Variants in CFAP77 observed in about 807,000 individuals in gnomAD.
CFAP77 encodes the protein cilia- and flagella-associated protein 77.
Under a neutral mutation model 31.1 loss-of-function variants are expected in CFAP77, and 25 were observed. That is an observed-to-expected ratio of 0.80 (90% CI 0.59 to 1.12). The LOEUF (loss-of-function observed/expected upper bound fraction) is 1.12, where lower values mean the gene tolerates loss of function less well. Among genes scored for constraint, CFAP77 ranks in the 50% most tolerant of loss-of-function variants. CFAP77 has a pLI of 0.00. For synonymous variants in CFAP77, 151 were observed against 159.9 expected (o/e 0.94, Z 0.42); for missense variants, 377 against 397.3 (o/e 0.95, Z 0.44).
At position 132,490,325 on chromosome 9, in the gene CFAP77, G is replaced by C. The variant is rs1330632334; in HGVS notation, c.196-8370G>C. ...AGACCATAGCACCATGGAAAAGCAG[G>C]TGACCGTCAAGCCTCAGGTGGCCCC... On this transcript the variant is annotated intron_variant, in intron 1 of 5. Coordinates refer to ENST00000393216, the MANE Select transcript of CFAP77 (RefSeq NM_001282957.2). The surrounding 1 kb of genome is among the most constrained non-coding windows in gnomAD (Gnocchi z 4.6). Among the ~76,000 whole-genome samples, 2 of 152,200 alleles carry C rather than the reference G, an allele frequency of 1.3e-5. No individual in the cohort carries two copies. The highest frequency in any genetic ancestry group is 2.4e-5 in the African/African-American group (1 of 41,438).
intron 1 of CFAP77, among the ~76,000 whole-genome samples, chr9:132,476,266 A>T (rs1369210219): frequency 8.5e-5 from 13 of 152,052 alleles, no homozygotes; most frequent in Admixed American, 3.9e-4. Context: ...CTATCAGAAA[A>T]GTCTAACTCA....
intron 1 of CFAP77, among the ~76,000 whole-genome samples, chr9:132,484,440 GTC>G (rs1851502498): frequency 6.6e-6 from 1 of 152,178 alleles, no homozygotes; most frequent in Non-Finnish European, 1.5e-5. Flanking sequence ...TCTGCTTTCT[GTC>G]TCTTCAGATT....
intron 1 of CFAP77, among the ~76,000 whole-genome samples, chr9:132,420,555 G>A (rs1217175404): frequency 6.6e-6 from 1 of 151,914 alleles, no homozygotes; most frequent in Non-Finnish European, 1.5e-5. Context: ...CAGGTACTCG[G>A]GAGGCTGAGG....
intron 1 of CFAP77, among the ~76,000 whole-genome samples, chr9:132,410,834 T>C (rs1159345230): frequency 6.6e-6 from 1 of 152,092 alleles, no homozygotes; most frequent in Non-Finnish European, 1.5e-5. Flanking sequence ...ACACGCCCAG[T>C]CTAAGTCGTG....
At chr9:132,491,594 C>G (rs1027970680) in intron 1 of CFAP77, among the ~76,000 whole-genome samples, 31 of 152,206 alleles carry the variant, frequency 2.0e-4, no homozygotes, top group African/African-American at 7.0e-4. Context: ...GTAGGAGGGG[C>G]TCTTGGCAAT....
intron 3 of CFAP77, among the ~76,000 whole-genome samples, chr9:132,514,617 T>A (rs1386264860): frequency 6.6e-6 from 1 of 151,736 alleles, no homozygotes; most frequent in African/African-American, 2.4e-5. Flanking sequence ...CCTGCACCGG[T>A]GCCGGAACTG....
At chr9:132,438,917 C>T (rs1292081710) in intron 1 of CFAP77, among the ~76,000 whole-genome samples, 1 of 150,512 alleles carries the variant, frequency 6.6e-6, no homozygotes, top group African/African-American at 2.5e-5. Flanking sequence ...ACTTTGTTGC[C>T]CAGGCTGGAG....
chr9:132,414,859 T>C (rs897452313), intron 1 of CFAP77, among the ~76,000 whole-genome samples: 1 of 152,156 alleles, frequency 6.6e-6, no homozygotes, highest in African/African-American at 2.4e-5. Context: ...TGTGTTCAAA[T>C]TGGATGCTCT....
rs574556046 is a variant in CFAP77 at position 132,571,321 on chromosome 9, C to T, written c.733-1067C>T. ...TCTTGGACCCCAGGGCCAGCAGCCA[C>T]GCTACCCCCCTTTGCCCTGGAATCC... On this transcript the variant is annotated intron_variant, in intron 5 of 5. Coordinates refer to ENST00000393216, the MANE Select transcript of CFAP77 (RefSeq NM_001282957.2). 2.1e-4 allele frequency among the ~76,000 whole-genome samples: 32 copies of T among 152,264 alleles called. No homozygotes were observed. The South Asian group carries it at 5.2e-3, about 25-fold the overall frequency.
intron 3 of CFAP77, among the ~76,000 whole-genome samples, chr9:132,513,705 C>CA (rs1852083921): frequency 6.6e-6 from 1 of 152,100 alleles, no homozygotes; most frequent in Non-Finnish European, 1.5e-5. Flanking sequence ...CCCCCCATGA[C>CA]AAGGCCCCCA....
chr9:132,502,275 T>G (rs796846082), intron 3 of CFAP77, among the ~76,000 whole-genome samples: 11 of 86,136 alleles, frequency 1.3e-4, no homozygotes, highest in South Asian at 6.4e-4. Context: ...ATTTTTTTTT[T>G]TTGGGGGAGG....
chr9:132,430,192 G>A (rs1012495219), intron 1 of CFAP77, among the ~76,000 whole-genome samples: 36 of 151,946 alleles, frequency 2.4e-4, no homozygotes, highest in Admixed American at 2.4e-3. Context: ...TAAAATTTCT[G>A]GTTCTGTGAT....
In CFAP77 at chr9:132,565,928, G is replaced by T. The variant is rs901180019; in HGVS notation, c.733-6460G>T. ...TGTGGCACTTGCCTCTTATTTACCT[G>T]CATTGACCTTAGAGCAGCTCAGAGC... is the stretch of plus-strand genomic sequence containing the variant. On this transcript the variant is annotated intron_variant, in intron 5 of 5. Transcript: ENST00000393216. This position sits in a 1 kb window ranked among gnomAD's most constrained non-coding sequence, Gnocchi z 4.1. 2.0e-5 allele frequency among the ~76,000 whole-genome samples: 3 copies of T among 152,218 alleles called. No homozygotes were observed. Among genetic ancestry groups the T allele is most frequent in the Non-Finnish European group, 4.4e-5 (3 of 68,038 alleles).
intron 3 of CFAP77, among the ~76,000 whole-genome samples, chr9:132,500,374 G>A (rs1851821735): frequency 6.6e-6 from 1 of 152,128 alleles, no homozygotes; most frequent in Admixed American, 6.5e-5. Context: ...CGTATGCCGA[G>A]GTTTCAGTGA....
chr9:132,485,012 C>T (rs915365824), intron 1 of CFAP77, among the ~76,000 whole-genome samples: 18 of 152,166 alleles, frequency 1.2e-4, no homozygotes, highest in African/African-American at 4.3e-4. Flanking sequence ...GCAAGCCCAG[C>T]TAATTTTTTT....
rs779458315 is a variant in CFAP77 at position 132,498,697 on chromosome 9, T to C, written c.198T>C (p.Ala66=). 1 of 1,610,372 alleles carries C rather than the reference T, an allele frequency of 6.2e-7. No homozygotes were observed. Among genetic ancestry groups the C allele is most frequent in the Non-Finnish European group, 8.5e-7 (1 of 1,177,948 alleles). ...SMFQNPLIVK[A]ELGKPRERSY... ...GCTCTCTGTCCTTCCCCCGACAGGC[T>C]GAACTCGGCAAGCCCCGGGAAAGAA... The change falls in exon 2 of 6, where the codon GCT becomes GCC. Residue 66 remains alanine, a splice_region_variant and synonymous_variant. Coordinates refer to ENST00000393216, the MANE Select transcript of CFAP77 (RefSeq NM_001282957.2). The surrounding 1 kb of genome is among the most constrained non-coding windows in gnomAD (Gnocchi z 4.2).
chr9:132,530,156 T>TTTTTTTTTTTTTC (rs1852415817), intron 3 of CFAP77, among the ~76,000 whole-genome samples: 1 of 149,378 alleles, frequency 6.7e-6, no homozygotes, highest in Non-Finnish European at 1.5e-5. Flanking sequence ...TTTTTTTTTT[T>TTTTTTTTTTTTTC]TGGTTTTTGT....
rs962977478 is a variant in CFAP77, at chr9:132,499,980, G to A, written c.524+380G>A. On this transcript the variant is annotated intron_variant, in intron 3 of 5. Transcript: ENST00000393216. The surrounding 1 kb of genome is among the most constrained non-coding windows in gnomAD (Gnocchi z 5.4). ...AGGCTGGTCAACGTGGCAAAACCCCGTCTCTACAAAAAAATTTTAAAAATT... is the reference window on the plus strand; with the variant it reads ...AGGCTGGTCAACGTGGCAAAACCCCATCTCTACAAAAAAATTTTAAAAATT... 5.9e-5 allele frequency among the ~76,000 whole-genome samples: 9 copies of A among 151,976 alleles called. No homozygotes were observed. The highest frequency in any genetic ancestry group is 1.7e-4 in the African/African-American group (7 of 41,474).
chr9:132,474,649 T>C (rs576641507), intron 1 of CFAP77, among the ~76,000 whole-genome samples: 112 of 152,080 alleles, frequency 7.4e-4, no homozygotes, highest in African/African-American at 2.6e-3. Flanking sequence ...GTGGCGGCGG[T>C]AGAGAATGAT....
Sources: allele counts gnomAD v4.1 joint callset (sites outside exome capture counted in the v4.1 genomes callset), GRCh38; gene constraint gnomAD v4.1.1; non-coding constraint Gnocchi (gnomAD v3.1); transcripts MANE v1.5; gene names NCBI Gene and HGNC (gene_info 2026-07-23, HGNC 2026-07-21).